Variants in ANO2 observed in about 807,000 individuals in gnomAD.
ANO2 encodes the protein anoctamin 2.
A neutral mutation model predicts 124.2 loss-of-function variants in ANO2; 101 were observed. The ratio of observed to expected loss-of-function variants is 0.81; its 90% CI spans 0.69 to 0.96. The LOEUF (loss-of-function observed/expected upper bound fraction) is 0.96. Among genes scored for constraint, ANO2 ranks in the 40% least tolerant of loss-of-function variants. The pLI is 0.00. For synonymous variants in ANO2, 486 were observed against 482.5 expected (o/e 1.01, Z -0.09); for missense variants, 1,293 against 1,274.5 (o/e 1.01, Z -0.22).
chr12:5,791,103 C>T (rs568592049), intron 10 of ANO2, among the ~76,000 whole-genome samples: 6 of 152,256 alleles, frequency 3.9e-5, no homozygotes, highest in African/African-American at 1.4e-4. Context: ...CAAGCTCCCC[C>T]ACCCAACAGA....
At chr12:5,597,682 G>A (rs563311366) in intron 20 of ANO2, among the ~76,000 whole-genome samples, 12 of 152,204 alleles carry the variant, frequency 7.9e-5, no homozygotes, top group Admixed American at 2.6e-4. Context: ...GACCACTGGC[G>A]TCAGAGGGTG....
intron 10 of ANO2, among the ~76,000 whole-genome samples, chr12:5,768,014 C>CTG (rs1356365348): frequency 6.6e-6 from 1 of 152,184 alleles, no homozygotes. Flanking sequence ...TATGTCATGT[C>CTG]TGTGTACCGA....
At chr12:5,674,104 G>C (rs534635590) in intron 14 of ANO2, among the ~76,000 whole-genome samples, 1 of 152,284 alleles carries the variant, frequency 6.6e-6, no homozygotes, top group South Asian at 2.1e-4. Context: ...ATGCAAAAGA[G>C]GGTGATCCCA....
At chr12:5,650,480 C>T (rs1208850000) in intron 14 of ANO2, among the ~76,000 whole-genome samples, 3 of 152,152 alleles carry the variant, frequency 2.0e-5, no homozygotes, top group African/African-American at 7.2e-5. Flanking sequence ...ACACTCCCAA[C>T]ATAAGAAGCC....
intron 3 of ANO2, chr12:5,881,866 G>GT (rs1565746357): frequency 6.6e-6 from 1 of 152,206 alleles, no homozygotes; most frequent in Non-Finnish European, 1.5e-5. Flanking sequence ...GACAGAGACT[G>GT]AAGCTATAGA....
intron 19 of ANO2, among the ~76,000 whole-genome samples, chr12:5,610,220 T>TGC (rs10677019): frequency 7.9e-6 from 1 of 126,970 alleles, no homozygotes; most frequent in Non-Finnish European, 1.6e-5. Context: ...CTTATATAAA[T>TGC]ATATACTTAT....
intron 4 of ANO2, among the ~76,000 whole-genome samples, chr12:5,844,869 G>GT (rs1555172488): frequency 2.9e-4 from 43 of 150,364 alleles, no homozygotes; most frequent in Non-Finnish European, 5.5e-4. Flanking sequence ...TTGTTTGTTT[G>GT]TTTTTACTAC....
chr12:5,849,475 A>AC (rs955091421), intron 4 of ANO2, among the ~76,000 whole-genome samples: 1 of 152,220 alleles, frequency 6.6e-6, no homozygotes, highest in Non-Finnish European at 1.5e-5. Context: ...CTGCTTCCAT[A>AC]CCGCCATTTC....
rs61059041 is a variant in ANO2, at chr12:5,636,605, T to TACACACACACACACACACAC, written c.1621-1278_1621-1259dup. On this transcript the variant is annotated intron_variant, in intron 15 of 24. Transcript: ENST00000682330. This position sits in a 1 kb window ranked among gnomAD's most constrained non-coding sequence, Gnocchi z 4.6. ...CCTGAAAAAATAAGCTGTGCTGGAC[T>TACACACACACACACACACAC]ACACACACACACACACACACACACA... 2.5e-5 allele frequency among the ~76,000 whole-genome samples: 3 copies of TACACACACACACACACACAC among 118,488 alleles called. No homozygotes were observed. Among genetic ancestry groups the TACACACACACACACACACAC allele is most frequent in the South Asian group, 3.6e-4 (1 of 2,804 alleles). The allele number at this position is 118,488 out of a possible 152,430, so 77.7% of individuals were successfully genotyped here.
chr12:5,623,640 T>C (rs775824193), intron 16 of ANO2, among the ~76,000 whole-genome samples: 2 of 152,162 alleles, frequency 1.3e-5, no homozygotes, highest in African/African-American at 2.4e-5. Flanking sequence ...GGAAACAGCA[T>C]GGCCAGGAGA....
chr12:5,861,333 G>A (rs761222195), intron 3 of ANO2, among the ~76,000 whole-genome samples: 27 of 152,204 alleles, frequency 1.8e-4, no homozygotes, highest in Non-Finnish European at 2.9e-4. Flanking sequence ...ATGGGCTAGG[G>A]AGTGAGGGAA....
chr12:5,847,445 C>CTGTGTGTGTGTGTGTG (rs35366359), intron 4 of ANO2, among the ~76,000 whole-genome samples: 3 of 144,686 alleles, frequency 2.1e-5, no homozygotes, highest in African/African-American at 5.2e-5. Context: ...CATAACACCT[C>CTGTGTGTGTGTGTGTG]TGTGTGTGTG....
chr12:5,762,664 G>A (rs1951773952), intron 10 of ANO2, among the ~76,000 whole-genome samples: 1 of 151,810 alleles, frequency 6.6e-6, no homozygotes, highest in Non-Finnish European at 1.5e-5. Flanking sequence ...GGTGGGAAGA[G>A]ATAGAAAGTG....
intron 3 of ANO2, among the ~76,000 whole-genome samples, chr12:5,901,818 T>G (rs1205985502): frequency 6.6e-6 from 1 of 152,166 alleles, no homozygotes. Context: ...AAGGAAGATA[T>G]TTTCCAATCC....
chr12:5,734,249 G>A (rs553237181), intron 13 of ANO2, among the ~76,000 whole-genome samples: 23 of 152,326 alleles, frequency 1.5e-4, no homozygotes, highest in Admixed American at 1.3e-3. Flanking sequence ...ATCATTTCCC[G>A]CAGAGCAACT....
At chr12:5,744,041 G>A in intron 12 of ANO2, 116 bp downstream of exon 12, 1 of 1,250,410 alleles carries the variant, frequency 8.0e-7, no homozygotes, top group Admixed American at 2.2e-5. Context: ...TACTTCTTGT[G>A]ATGGGAAGAA....
intron 16 of ANO2, among the ~76,000 whole-genome samples, chr12:5,629,634 C>T (rs1945599951): frequency 6.6e-6 from 1 of 152,178 alleles, no homozygotes; most frequent in Admixed American, 6.5e-5. Flanking sequence ...TCTCTACAGC[C>T]ACCACCTGTA....
intron 1 of ANO2, among the ~76,000 whole-genome samples, chr12:5,941,096 G>T (rs1335933045): frequency 6.6e-6 from 1 of 152,162 alleles, no homozygotes; most frequent in Non-Finnish European, 1.5e-5. Flanking sequence ...CCAAGGGCTA[G>T]GGGGAGGGAG....
intron 20 of ANO2, among the ~76,000 whole-genome samples, chr12:5,578,868 T>C (rs1182004692): frequency 6.6e-6 from 1 of 152,240 alleles, no homozygotes; most frequent in Non-Finnish European, 1.5e-5. Flanking sequence ...CAGATCATAA[T>C]AAACATTTTT....
Sources: allele counts gnomAD v4.1 joint callset (sites outside exome capture counted in the v4.1 genomes callset), GRCh38; gene constraint gnomAD v4.1.1; non-coding constraint Gnocchi (gnomAD v3.1); transcripts MANE v1.5; gene names NCBI Gene and HGNC (gene_info 2026-07-23, HGNC 2026-07-21).